UBL3: variants seen among roughly 807,000 people sequenced by gnomAD.
UBL3 encodes ubiquitin like 3.
Under a neutral mutation model 18.4 loss-of-function variants are expected in UBL3, and 6 were observed. That is an observed-to-expected ratio of 0.33 (90% CI 0.18 to 0.64). UBL3 has a LOEUF of 0.64. UBL3 is among the 30% of genes least tolerant of loss of function. UBL3 has a pLI of 0.76. For synonymous variants in UBL3, 49 were observed against 46.6 expected, an observed-to-expected ratio of 1.05 and a Z score of -0.21; for missense variants, 109 against 142.9, an observed-to-expected ratio of 0.76 and a Z score of 1.21.
At chr13:29,845,612 A>C (rs1879210747) in intron 1 of UBL3, among the ~76,000 whole-genome samples, 1 of 152,078 alleles carries the variant, frequency 6.6e-6, no homozygotes, top group African/African-American at 2.4e-5. Context: ...TATTTTAGTA[A>C]TTTCCTGTCC....
rs548977595 is a variant in UBL3, at chr13:29,810,647, T to C, written c.28-33384A>G. Among the ~76,000 whole-genome samples, 11 of 152,224 alleles carry C rather than the reference T, an allele frequency of 7.2e-5. No individual in the cohort carries two copies. In the East Asian group the frequency reaches 9.6e-4, roughly 13 times the overall value. ...GCCTTTGTAAATATTTAATAACTAGTTAATATTCTACTAAGTGAAAATACA... is the reference window on the plus strand; with the variant it reads ...GCCTTTGTAAATATTTAATAACTAGCTAATATTCTACTAAGTGAAAATACA... On this transcript the variant is annotated intron_variant, in intron 1 of 4. Coordinates refer to ENST00000380680, the MANE Select transcript of UBL3 (RefSeq NM_007106.4).
At chr13:29,785,630 T>C (rs1245585777) in intron 1 of UBL3, among the ~76,000 whole-genome samples, 2 of 152,228 alleles carry the variant, frequency 1.3e-5, no homozygotes, top group Admixed American at 6.5e-5. Context: ...CATTTTCCTA[T>C]GTAAGACTGA....
chr13:29,821,893 T>C (rs146501665), intron 1 of UBL3, among the ~76,000 whole-genome samples: 8 of 152,312 alleles, frequency 5.3e-5, no homozygotes, highest in Admixed American at 2.0e-4. Flanking sequence ...TTAAAAACAA[T>C]TTTATGAGTA....
In UBL3 at chr13:29,767,652, C is replaced by T. The variant is rs1289585386; in HGVS notation, c.267G>A (p.Val89=). ...PFGKTTVMHL[V]ARETLPEPNS... ...TTGGCTCTGGTAATGTCTCTCTGGC[C>T]ACCAAATGCATCACTGTTGTTTTGC... Residue 89 remains valine, a synonymous_variant, in exon 4 of 5, where the codon GTG becomes GTA. Coordinates refer to ENST00000380680, the MANE Select transcript of UBL3 (RefSeq NM_007106.4). 6.2e-7 allele frequency: 1 copy of T among 1,613,002 alleles called. No homozygotes were observed. Among genetic ancestry groups the T allele is most frequent in the Non-Finnish European group, 8.5e-7 (1 of 1,179,268 alleles).
chr13:29,835,092 AT>A (rs1878888893), intron 1 of UBL3, among the ~76,000 whole-genome samples: 7 of 22,594 alleles, frequency 3.1e-4, no homozygotes, highest in Non-Finnish European at 4.0e-4. Context: ...AAATATAAAT[AT>A]ATATATATAT....
In UBL3 at chr13:29,849,714, G is replaced by A. The variant is rs1879320528; in HGVS notation, c.-176C>T. 16 of 772,940 alleles carry A rather than the reference G, an allele frequency of 2.1e-5. No individual in the cohort carries two copies. Among genetic ancestry groups the A allele is most frequent in the Non-Finnish European group, 3.2e-5 (15 of 475,892 alleles). The allele number at this position is 772,940 out of a possible 1,614,324, so 47.9% of individuals were successfully genotyped here. A position where few individuals can be genotyped will look rare whatever the true frequency, so the allele number is the denominator to read the frequency against. ...GCCGGTCAGGCCGAGGTTCTGGTTC[G>A]AAGAGGAACAATCCCCAGGAGCTGT... On this transcript the variant is annotated 5_prime_UTR_variant, in exon 1 of 5. Coordinates refer to ENST00000380680, the MANE Select transcript of UBL3 (RefSeq NM_007106.4).
chr13:29,788,784 TAA>T (rs969305684), intron 1 of UBL3, among the ~76,000 whole-genome samples: 9 of 151,842 alleles, frequency 5.9e-5, no homozygotes, highest in African/African-American at 2.2e-4. Flanking sequence ...GGAAATGGGT[TAA>T]AAAATTCAAA....
At chr13:29,835,903 T>C (rs763829831) in intron 1 of UBL3, among the ~76,000 whole-genome samples, 2 of 151,402 alleles carry the variant, frequency 1.3e-5, no homozygotes, top group Non-Finnish European at 1.5e-5. Context: ...TGAGATGACA[T>C]AGTCATGTTA....
At chr13:29,843,987 A>G (rs1336807245) in intron 1 of UBL3, among the ~76,000 whole-genome samples, 1 of 152,234 alleles carries the variant, frequency 6.6e-6, no homozygotes, top group African/African-American at 2.4e-5. Flanking sequence ...TTTGAGTTCT[A>G]CAACTCTTAA....
chr13:29,842,987 C>A (rs964567608), intron 1 of UBL3, among the ~76,000 whole-genome samples: 4 of 152,208 alleles, frequency 2.6e-5, no homozygotes, highest in Non-Finnish European at 5.9e-5. Context: ...ATGGTTTCCA[C>A]ACCCATAGCA....
At chr13:29,783,166 G>A (rs7324524) in intron 1 of UBL3, among the ~76,000 whole-genome samples, 20,511 of 152,174 alleles carry the variant, frequency 0.13, 1,564 homozygotes, top group Non-Finnish European at 0.18. Flanking sequence ...GTTCAAATGC[G>A]TGAACACCTC....
chr13:29,771,449 C>T (rs898276628), intron 3 of UBL3, among the ~76,000 whole-genome samples: 1 of 151,984 alleles, frequency 6.6e-6, no homozygotes, highest in Admixed American at 6.6e-5. Context: ...TGCCAAGCAC[C>T]ATTTATGCAC....
rs190865890 is a variant in UBL3 at position 29,788,921 on chromosome 13, C to T, written c.28-11658G>A. 3.0e-3 allele frequency among the ~76,000 whole-genome samples: 424 copies of T among 142,820 alleles called. 5 individuals carry two copies. Among genetic ancestry groups the T allele is most frequent in the East Asian group, 0.015 (76 of 4,920 alleles). The allele number at this position is 142,820 out of a possible 152,430, so 93.7% of individuals were successfully genotyped here. On this transcript the variant is annotated intron_variant, in intron 1 of 4. Transcript: ENST00000380680. ...TGTGCGTGTGTGTGTGTGTTTGAGA[C>T]GGAGTTTTGCTCTTGTTGCCCAGGC...
chr13:29,766,535 T>A lies in UBL3; in HGVS notation c.*720A>T, dbSNP rs961899807. On this transcript the variant is annotated 3_prime_UTR_variant, in exon 5 of 5. Transcript: ENST00000380680. ...CACTCTCACCCCTTCTTGTGCTGTC[T>A]AAACAAACACTCAGTTACTGTAGGA... The A allele has an allele frequency of 1.3e-5, 2 of 152,598 alleles. No individual in the cohort carries two copies. The highest frequency in any genetic ancestry group is 6.5e-5 in the Admixed American group (1 of 15,268). 9.5% of individuals were successfully genotyped at this position (152,598 alleles called of 1,614,324 possible).
intron 1 of UBL3, among the ~76,000 whole-genome samples, chr13:29,830,491 A>G (rs956664937): frequency 2.6e-5 from 4 of 152,194 alleles, no homozygotes; most frequent in African/African-American, 9.7e-5. Context: ...CTGGGAATCT[A>G]ATTTCCCAAT....
chr13:29,805,003 T>C (rs1169699851), intron 1 of UBL3, among the ~76,000 whole-genome samples: 2 of 152,166 alleles, frequency 1.3e-5, no homozygotes, highest in African/African-American at 4.8e-5. Flanking sequence ...TGGTTACATA[T>C]AATTCTGTAT....
At chr13:29,790,644 G>A (rs1168574761) in intron 1 of UBL3, among the ~76,000 whole-genome samples, 4 of 152,144 alleles carry the variant, frequency 2.6e-5, no homozygotes, top group African/African-American at 9.7e-5. Flanking sequence ...CCTTCTTGGA[G>A]ATGTGTCATG....
intron 1 of UBL3, among the ~76,000 whole-genome samples, chr13:29,828,551 A>G (rs1878684792): frequency 1.3e-5 from 2 of 151,866 alleles, no homozygotes; most frequent in African/African-American, 2.4e-5. Flanking sequence ...ACTTCTCTAC[A>G]CTGGTTATTC....
At position 29,849,498 on chromosome 13, in the gene UBL3, TATC is replaced by T. The variant is rs754579053; in HGVS notation, c.27+11_27+13del. ...CCACAATTAAATCAGTGTCATAACT[TATC>T]CGTCACTTACCATATCCGCCGGGAC... On this transcript the variant is annotated intron_variant, in intron 1 of 4. Transcript: ENST00000380680. 20 of 1,614,106 alleles carry T rather than the reference TATC, an allele frequency of 1.2e-5. No homozygotes were observed. In the African/African-American group the frequency reaches 2.7e-4, roughly 22 times the overall value.
Sources: allele counts gnomAD v4.1 joint callset (sites outside exome capture counted in the v4.1 genomes callset), GRCh38; gene constraint gnomAD v4.1.1; transcripts MANE v1.5; gene names NCBI Gene and HGNC (gene_info 2026-07-23, HGNC 2026-07-21).